Variants in XXYLT1 observed in about 807,000 individuals in gnomAD.
XXYLT1 encodes UDP-xylose:alpha-xyloside alpha-1,3-xylosyltransferase.
In XXYLT1, 20 loss-of-function variants were observed where a neutral mutation model predicts 28.9. That is an observed-to-expected ratio of 0.69 (90% CI 0.49 to 1.00). XXYLT1 has a LOEUF of 1.00. Among genes scored for constraint, XXYLT1 ranks in the 50% least tolerant of loss-of-function variants. The probability of loss-of-function intolerance (pLI) is 0.00; values close to 1 mark genes in which losing one functional copy is unlikely to be tolerated. For missense variants in XXYLT1, 542 were observed against 560.1 expected (o/e 0.97, Z 0.33); for synonymous variants, 257 against 253.8 (o/e 1.01, Z -0.12).
In XXYLT1 at chr3:195,110,922, TG is replaced by T. The variant is rs1560101828; in HGVS notation, c.786-40812del. Among the ~76,000 whole-genome samples, 6 of 15,274 alleles carry T rather than the reference TG, an allele frequency of 3.9e-4. 1 individual carries two copies. Among genetic ancestry groups the T allele is most frequent in the African/African-American group, 4.3e-4 (2 of 4,648 alleles). 10.0% of individuals were successfully genotyped at this position (15,274 alleles called of 152,430 possible). A position where few individuals can be genotyped will look rare whatever the true frequency, so the allele number is the denominator to read the frequency against. On this transcript the variant is annotated intron_variant, in intron 3 of 3. Coordinates refer to ENST00000310380, the MANE Select transcript of XXYLT1 (RefSeq NM_152531.5). ...GGGTGAGGTGTGTGGTGTGTGTGTGTGGTGTGTGTGAGGTATGTGTATGTGG... is the reference window on the plus strand; with the variant it reads ...GGGTGAGGTGTGTGGTGTGTGTGTGTGTGTGTGTGAGGTATGTGTATGTGG...
At chr3:195,184,702 C>A in intron 2 of XXYLT1, 1 of 985,324 alleles carries the variant, frequency 1.0e-6, no homozygotes, top group Non-Finnish European at 1.2e-6. Flanking sequence ...CACACACAGC[C>A]GGTAAAACTT....
chr3:195,073,020 A>T (rs956231279), intron 3 of XXYLT1, among the ~76,000 whole-genome samples: 1 of 152,086 alleles, frequency 6.6e-6, no homozygotes, highest in African/African-American at 2.4e-5. Context: ...AAGCCCTCTC[A>T]CACTCTCCAC....
rs780068995 is a variant in XXYLT1 at position 195,226,673 on chromosome 3, C to T, written c.652+36G>A. On this transcript the variant is annotated intron_variant, in intron 2 of 3. Transcript: ENST00000310380. The stretch of plus-strand genomic sequence containing the variant: ...CAGGGAAATGGATGCAAAAGTCAGA[C>T]ACCCAGGGGCTATTGCTCCTGGAAG... The T allele has an allele frequency of 9.4e-6, 15 of 1,597,102 alleles. No homozygotes were observed. In the South Asian group the frequency reaches 1.3e-4, roughly 14 times the overall value.
intron 3 of XXYLT1, among the ~76,000 whole-genome samples, chr3:195,121,864 G>A (rs1718378121): frequency 6.6e-6 from 1 of 152,216 alleles, no homozygotes; most frequent in South Asian, 2.1e-4. Context: ...ACTGGGTGCT[G>A]ACCAAGTCAT....
At chr3:195,114,786 A>G (rs1717957211) in intron 3 of XXYLT1, among the ~76,000 whole-genome samples, 1 of 152,240 alleles carries the variant, frequency 6.6e-6, no homozygotes, top group South Asian at 2.1e-4. Context: ...TGAAAAAGCA[A>G]TCGCTTTTGG....
At chr3:195,073,305 G>A (rs913061539) in intron 3 of XXYLT1, among the ~76,000 whole-genome samples, 4 of 152,258 alleles carry the variant, frequency 2.6e-5, no homozygotes, top group Non-Finnish European at 5.9e-5. Flanking sequence ...AGGCCTCTAC[G>A]AGGCAGGGCA....
At chr3:195,151,984 TTC>T (rs1720295059) in intron 3 of XXYLT1, among the ~76,000 whole-genome samples, 1 of 152,150 alleles carries the variant, frequency 6.6e-6, no homozygotes, top group South Asian at 2.1e-4. Context: ...TCTCCAGTAA[TTC>T]TCTGTGTTAG....
intron 2 of XXYLT1, chr3:195,175,495 T>G (rs1259702408): frequency 6.3e-6 from 8 of 1,279,360 alleles, no homozygotes; most frequent in Non-Finnish European, 8.3e-6. Context: ...CAATGAGTTC[T>G]GTGTTGCATG....
At chr3:195,252,675 C>T (rs953226664) in intron 1 of XXYLT1, among the ~76,000 whole-genome samples, 6 of 85,714 alleles carry the variant, frequency 7.0e-5, no homozygotes, top group African/African-American at 2.6e-4. Context: ...GGGAACAATT[C>T]AAAAGAAGAA....
At position 195,270,947 on chromosome 3, in the gene XXYLT1, A is replaced by C; in HGVS notation, c.112T>G (p.Phe38Val). 9 of 1,488,424 alleles carry C rather than the reference A, an allele frequency of 6.0e-6. No homozygotes were observed. The highest frequency in any genetic ancestry group is 7.1e-6 in the Non-Finnish European group (8 of 1,121,610). The allele number at this position is 1,488,424 out of a possible 1,614,324, so 92.2% of individuals were successfully genotyped here. A position where few individuals can be genotyped will look rare whatever the true frequency, so the allele number is the denominator to read the frequency against. Residue 38 changes from phenylalanine to valine, a missense_variant, in exon 1 of 4, where the codon TTC becomes GTC. Physicochemically the swap from Phe to Val is conservative, Grantham distance 50 (BLOSUM62 -1). Transcript: ENST00000310380. ...LLAAALAVCA[F>V]YYLGSGRETF... ...TCCCGGCCTGAGCCGAGGTAGTAGA[A>C]GGCGCAGACGGCCAGCGCCGCGGCC...
chr3:195,170,549 C>T (rs1721356177), intron 2 of XXYLT1, among the ~76,000 whole-genome samples: 1 of 152,216 alleles, frequency 6.6e-6, no homozygotes, highest in South Asian at 2.1e-4. Flanking sequence ...AAACAATAAG[C>T]TGAGAGTTCA....
intron 1 of XXYLT1, among the ~76,000 whole-genome samples, chr3:195,248,470 G>A (rs879672252): frequency 2.0e-5 from 3 of 152,216 alleles, no homozygotes; most frequent in South Asian, 2.1e-4. Flanking sequence ...CACAGCTCCC[G>A]CTTCCCTGAA....
intron 1 of XXYLT1, among the ~76,000 whole-genome samples, chr3:195,269,229 G>T (rs1725939746): frequency 6.6e-6 from 1 of 152,232 alleles, no homozygotes; most frequent in Non-Finnish European, 1.5e-5. Context: ...CCCAAGATCT[G>T]CCCAGACTGA....
At chr3:195,167,873 C>T (rs1402621067) in intron 2 of XXYLT1, among the ~76,000 whole-genome samples, 2 of 152,134 alleles carry the variant, frequency 1.3e-5, no homozygotes, top group Non-Finnish European at 2.9e-5. Context: ...AGCTTTGGGC[C>T]CATCATCCAA....
intron 3 of XXYLT1, among the ~76,000 whole-genome samples, chr3:195,081,978 G>A (rs1715459642): frequency 1.3e-5 from 2 of 152,242 alleles, no homozygotes; most frequent in Non-Finnish European, 1.5e-5. Flanking sequence ...TCTAGGCCAG[G>A]ACTAGAAGCT....
chr3:195,230,824 G>C (rs1379227157), intron 1 of XXYLT1, among the ~76,000 whole-genome samples: 1 of 152,106 alleles, frequency 6.6e-6, no homozygotes, highest in Non-Finnish European at 1.5e-5. Flanking sequence ...AATTCCTCCA[G>C]TTTTATTCTT....
At chr3:195,194,041 T>G (rs11925335) in intron 2 of XXYLT1, among the ~76,000 whole-genome samples, 27,790 of 151,706 alleles carry the variant, frequency 0.18, 4,781 homozygotes, top group African/African-American at 0.46. Flanking sequence ...ATCCATACAA[T>G]AAAAAAATTG....
chr3:195,258,305 A>G (rs998494953), intron 1 of XXYLT1, among the ~76,000 whole-genome samples: 1 of 152,224 alleles, frequency 6.6e-6, no homozygotes, highest in Non-Finnish European at 1.5e-5. Flanking sequence ...ATGTGGATCC[A>G]TGAGCGTCTC....
intron 2 of XXYLT1, among the ~76,000 whole-genome samples, chr3:195,171,711 C>A (rs1337736797): frequency 6.6e-6 from 1 of 152,218 alleles, no homozygotes; most frequent in Non-Finnish European, 1.5e-5. Context: ...CAAAACAGGT[C>A]GCTTCCCCAC....
Sources: allele counts gnomAD v4.1 joint callset (sites outside exome capture counted in the v4.1 genomes callset), GRCh38; gene constraint gnomAD v4.1.1; transcripts MANE v1.5; gene names NCBI Gene and HGNC (gene_info 2026-07-23, HGNC 2026-07-21).